LIN52: variants seen among roughly 807,000 people sequenced by gnomAD.
The protein encoded by LIN52 is protein lin-52 homolog.
A neutral mutation model predicts 18.5 loss-of-function variants in LIN52; 4 were observed. The ratio of observed to expected loss-of-function variants is 0.22; its 90% CI spans 0.11 to 0.49. LIN52 has a LOEUF of 0.49. LIN52 is among the 20% of genes least tolerant of loss of function. The pLI is 0.97. For synonymous variants in LIN52, 34 were observed against 45.5 expected, an observed-to-expected ratio of 0.75 and a Z score of 1.02; for missense variants, 102 against 139.5, an observed-to-expected ratio of 0.73 and a Z score of 1.35.
At chr14:74,130,278 G>GTGTTTTTT (rs1566856480) in intron 5 of LIN52, among the ~76,000 whole-genome samples, 1 of 64,842 alleles carries the variant, frequency 1.5e-5, no homozygotes, top group African/African-American at 6.3e-5. Flanking sequence ...GCATTTTTTG[G>GTGTTTTTT]TTTTTTTTTT....
chr14:74,104,359 A>G (rs1224088077), intron 5 of LIN52, among the ~76,000 whole-genome samples: 1 of 152,110 alleles, frequency 6.6e-6, no homozygotes, highest in African/African-American at 2.4e-5. Context: ...CTGGATCTAA[A>G]TAAGGTTCAT....
intron 5 of LIN52, among the ~76,000 whole-genome samples, chr14:74,162,379 G>A (rs1482125406): frequency 6.7e-6 from 1 of 150,298 alleles, no homozygotes; most frequent in Non-Finnish European, 1.5e-5. Context: ...GGGAGGCTGG[G>A]GCAGGAGAAT....
At chr14:74,090,538 C>T (rs1188338694) in intron 1 of LIN52, among the ~76,000 whole-genome samples, 7 of 144,374 alleles carry the variant, frequency 4.8e-5, no homozygotes, top group Admixed American at 1.4e-4. Context: ...GGTTTCACCA[C>T]GTTGGCCAGG....
rs527854281 is a variant in LIN52 at position 74,196,609 on chromosome 14, A to G, written c.284-2313A>G. Among the ~76,000 whole-genome samples, 5 of 152,306 alleles carry G rather than the reference A, an allele frequency of 3.3e-5. No homozygotes were observed. The East Asian group carries it at 5.8e-4, about 18-fold the overall frequency. ...AGTGAGACCCAATCTGCCCAAAAGT[A>G]TAAGTAAATTTCTTTTCCTTCAAGC... On this transcript the variant is annotated intron_variant, in intron 5 of 5. Coordinates refer to ENST00000555028, the MANE Select transcript of LIN52 (RefSeq NM_001024674.3).
In LIN52 at chr14:74,194,656, C is replaced by T. The variant is rs76346964; in HGVS notation, c.284-4266C>T. On this transcript the variant is annotated intron_variant, in intron 5 of 5. Transcript: ENST00000555028. ...TAGTGACAGTTTCAATTGTGGCTTTCTCAATTTGTGATCTATGTACGACAT... is the reference window on the plus strand; with the variant it reads ...TAGTGACAGTTTCAATTGTGGCTTTTTCAATTTGTGATCTATGTACGACAT... Among the ~76,000 whole-genome samples the T allele has an allele frequency of 4.7e-3, 713 of 152,302 alleles. 3 individuals are homozygous for T. The highest frequency in any genetic ancestry group is 5.2e-3 in the Non-Finnish European group (354 of 68,034).
At position 74,165,758 on chromosome 14, in the gene LIN52, C is replaced by T. The variant is rs974736611; in HGVS notation, c.284-33164C>T. ...TCCTGGCCTCAAGTGATCCGCCCACCTCCGCCTCCCAAAGTGTTGGGATTA... is the reference window on the plus strand; with the variant it reads ...TCCTGGCCTCAAGTGATCCGCCCACTTCCGCCTCCCAAAGTGTTGGGATTA... On this transcript the variant is annotated intron_variant, in intron 5 of 5. Transcript: ENST00000555028. Among the ~76,000 whole-genome samples the T allele has an allele frequency of 2.0e-5, 3 of 151,980 alleles. No homozygotes were observed. In the South Asian group the frequency reaches 6.2e-4, roughly 32 times the overall value.
intron 2 of LIN52, among the ~76,000 whole-genome samples, chr14:74,091,744 A>G: frequency 7.2e-6 from 1 of 139,526 alleles, no homozygotes; most frequent in African/African-American, 2.7e-5. Context: ...ACTGCACTTC[A>G]GCCTGTGTGA....
chr14:74,142,431 A>G (rs1438966365), intron 5 of LIN52, among the ~76,000 whole-genome samples: 1 of 152,144 alleles, frequency 6.6e-6, no homozygotes, highest in Non-Finnish European at 1.5e-5. Flanking sequence ...CTTCTTGTCC[A>G]AGCCTTTATT....
At chr14:74,180,432 A>AT (rs371093005) in intron 5 of LIN52, among the ~76,000 whole-genome samples, 31 of 146,862 alleles carry the variant, frequency 2.1e-4, no homozygotes, top group Admixed American at 4.1e-4. Context: ...TGCCCAGCTA[A>AT]TTTTTTTTTT....
intron 5 of LIN52, chr14:74,114,175 AGTGTGTGTGTGTGTGTGT>A (rs55840907): frequency 2.7e-5 from 25 of 941,226 alleles, no homozygotes; most frequent in African/African-American, 9.4e-5. Flanking sequence ...AACTGAGATT[AGTGTGTGTGTGTGTGTGT>A]GTGTGTGTGT....
At chr14:74,183,100 TCTC>T (rs1346136135) in intron 5 of LIN52, among the ~76,000 whole-genome samples, 185 of 89,634 alleles carry the variant, frequency 2.1e-3, no homozygotes, top group Non-Finnish European at 3.8e-3. Flanking sequence ...TCTCTCTCTC[TCTC>T]TTTTTTTTTT....
At chr14:74,143,716 TGTATAAAGATCAAATCA>T (rs1193072678) in intron 5 of LIN52, among the ~76,000 whole-genome samples, 1 of 152,226 alleles carries the variant, frequency 6.6e-6, no homozygotes, top group Non-Finnish European at 1.5e-5. Flanking sequence ...TCACATATGT[TGTATAAAGATCAAATCA>T]GGGTAGCTAG....
rs570300841 is a variant in LIN52 at position 74,190,753 on chromosome 14, T to C, written c.284-8169T>C. On this transcript the variant is annotated intron_variant, in intron 5 of 5. Transcript: ENST00000555028. ...GACCTTCAAATGCTACTTTTATATA[T>C]TTTAGAGAGAAGTAAGATTTACACC... Among the ~76,000 whole-genome samples, 5 of 152,290 alleles carry C rather than the reference T, an allele frequency of 3.3e-5. No homozygotes were observed. In the East Asian group the frequency reaches 9.6e-4, roughly 29 times the overall value.
chr14:74,086,474 G>A (rs1460305114), intron 1 of LIN52, among the ~76,000 whole-genome samples: 2 of 151,896 alleles, frequency 1.3e-5, no homozygotes, highest in African/African-American at 4.8e-5. Flanking sequence ...ACAACATGGT[G>A]AAACCCCATC....
chr14:74,184,872 C>T (rs1049740530), intron 5 of LIN52, among the ~76,000 whole-genome samples: 3 of 151,972 alleles, frequency 2.0e-5, no homozygotes, highest in Admixed American at 6.6e-5. Flanking sequence ...TTAGTGGGTG[C>T]CCCTTCAAGT....
intron 5 of LIN52, among the ~76,000 whole-genome samples, chr14:74,129,544 GC>G (rs2061048768): frequency 6.6e-6 from 1 of 152,120 alleles, no homozygotes; most frequent in African/African-American, 2.4e-5. Flanking sequence ...ATCCCAGACT[GC>G]TTTTCTGTAT....
At chr14:74,174,964 A>G (rs1304593917) in intron 5 of LIN52, among the ~76,000 whole-genome samples, 2 of 151,210 alleles carry the variant, frequency 1.3e-5, no homozygotes, top group Non-Finnish European at 2.9e-5. Flanking sequence ...GCAGTGAGCC[A>G]TGATCACACC....
intron 5 of LIN52, among the ~76,000 whole-genome samples, chr14:74,166,862 G>A (rs1189736760): frequency 1.3e-5 from 2 of 152,140 alleles, no homozygotes; most frequent in Non-Finnish European, 2.9e-5. Flanking sequence ...GGTTTTGGTG[G>A]ATGGAATTTT....
At chr14:74,093,269 A>G (rs1402179531) in intron 2 of LIN52, among the ~76,000 whole-genome samples, 1 of 151,020 alleles carries the variant, frequency 6.6e-6, no homozygotes, top group Non-Finnish European at 1.5e-5. Context: ...TTTATAAGAA[A>G]TTCACATAAT....
Sources: allele counts gnomAD v4.1 joint callset (sites outside exome capture counted in the v4.1 genomes callset), GRCh38; gene constraint gnomAD v4.1.1; transcripts MANE v1.5; gene names NCBI Gene and HGNC (gene_info 2026-07-23, HGNC 2026-07-21).